The following CYRIA variants were observed in gnomAD, a reference collection of about 807,000 sequenced individuals.
CYRIA encodes the protein CYFIP-related Rac1 interactor A.
Under a neutral mutation model 43.9 loss-of-function variants are expected in CYRIA, and 15 were observed. The observed-to-expected ratio is 0.34, with a 90% CI of 0.23 to 0.53. The LOEUF (loss-of-function observed/expected upper bound fraction) is 0.53, where lower values mean the gene tolerates loss of function less well. CYRIA is among the 20% of genes least tolerant of loss of function. CYRIA has a pLI of 0.94. For synonymous variants in CYRIA, 117 were observed against 136.0 expected (o/e 0.86, Z 0.97); for missense variants, 236 against 394.2 (o/e 0.60, Z 3.40).
chr2:16,556,649 T>C (rs1225413183), intron 10 of CYRIA, among the ~76,000 whole-genome samples: 26 of 152,090 alleles, frequency 1.7e-4, no homozygotes, highest in Admixed American at 1.6e-3. Context: ...GTGGAAAACA[T>C]CCTTGATAGG....
chr2:16,636,248 T>C (rs983753574), intron 1 of CYRIA, among the ~76,000 whole-genome samples: 1 of 152,104 alleles, frequency 6.6e-6, no homozygotes, highest in African/African-American at 2.4e-5. Flanking sequence ...TGTGTCTCCC[T>C]GAAGATCTGA....
intron 1 of CYRIA, among the ~76,000 whole-genome samples, chr2:16,625,262 C>T (rs1669124943): frequency 6.6e-6 from 1 of 152,050 alleles, no homozygotes; most frequent in South Asian, 2.1e-4. Flanking sequence ...CTGGTTCTGG[C>T]TCTCAGCAGC....
At chr2:16,628,066 C>G (rs1195728033) in intron 1 of CYRIA, among the ~76,000 whole-genome samples, 2 of 152,168 alleles carry the variant, frequency 1.3e-5, no homozygotes, top group Non-Finnish European at 2.9e-5. Flanking sequence ...TGGGTTTCAG[C>G]CTCATGATGC....
intron 10 of CYRIA, among the ~76,000 whole-genome samples, chr2:16,555,608 C>A (rs896966037): frequency 6.6e-6 from 1 of 152,086 alleles, no homozygotes; most frequent in African/African-American, 2.4e-5. Context: ...GTTTGACTGG[C>A]AAACCCTTAA....
At chr2:16,585,021 C>A (rs1308696222) in intron 3 of CYRIA, among the ~76,000 whole-genome samples, 1 of 152,098 alleles carries the variant, frequency 6.6e-6, no homozygotes, top group Admixed American at 6.6e-5. Flanking sequence ...CTTCATTGGG[C>A]AATGACTGCT....
At chr2:16,558,476 C>T (rs147396406) in intron 10 of CYRIA, among the ~76,000 whole-genome samples, 7 of 152,120 alleles carry the variant, frequency 4.6e-5, no homozygotes, top group African/African-American at 9.7e-5. Context: ...CACCCAGACT[C>T]GGCTATACTG....
intron 1 of CYRIA, among the ~76,000 whole-genome samples, chr2:16,645,048 C>T (rs963523091): frequency 6.6e-6 from 1 of 152,208 alleles, no homozygotes; most frequent in Non-Finnish European, 1.5e-5. Context: ...ATTCTTTCAT[C>T]TGAAAGTCAT....
Position 16,653,412 on chromosome 2 carries a change from C to T in CYRIA, c.-167+12368G>A, listed in dbSNP as rs371114838. ...GTCCTTCAGGCCTTCACTCAATCCT[C>T]ACCTTCTCTGACAACCCTATTTAAA... On this transcript the variant is annotated intron_variant, in intron 1 of 11. Coordinates refer to ENST00000381323, the MANE Select transcript of CYRIA (RefSeq NM_030797.4). Among the ~76,000 whole-genome samples, 12 of 152,378 alleles carry T rather than the reference C, an allele frequency of 7.9e-5. No homozygotes were observed. In the East Asian group the frequency reaches 1.5e-3, roughly 20 times the overall value.
Position 16,650,467 on chromosome 2 carries a change from G to A in CYRIA, c.-167+15313C>T. 6.6e-6 allele frequency among the ~76,000 whole-genome samples: 1 copy of A among 152,142 alleles called. No individual in the cohort carries two copies. Among genetic ancestry groups the A allele is most frequent in the Non-Finnish European group, 1.5e-5 (1 of 68,036 alleles). Reference sequence around the variant, plus strand: ...ATCATAAAGGTTTCATTGGTCTCTGGGCCAGTTCCTGATATCAGGGATGAT... The same window carrying A: ...ATCATAAAGGTTTCATTGGTCTCTGAGCCAGTTCCTGATATCAGGGATGAT... On this transcript the variant is annotated intron_variant, in intron 1 of 11. Coordinates refer to ENST00000381323, the MANE Select transcript of CYRIA (RefSeq NM_030797.4). This position sits in a 1 kb window ranked among gnomAD's most constrained non-coding sequence, Gnocchi z 4.1.
chr2:16,635,689 A>G (rs1345617109), intron 1 of CYRIA, among the ~76,000 whole-genome samples: 1 of 152,158 alleles, frequency 6.6e-6, no homozygotes, highest in Non-Finnish European at 1.5e-5. Context: ...CTGGAGACTC[A>G]GATTAGACAA....
At position 16,648,189 on chromosome 2, in the gene CYRIA, G is replaced by A. The variant is rs191482931; in HGVS notation, c.-167+17591C>T. Among the ~76,000 whole-genome samples, 6 of 152,266 alleles carry A rather than the reference G, an allele frequency of 3.9e-5. No homozygotes were observed. The East Asian group carries it at 7.7e-4, about 20-fold the overall frequency. On this transcript the variant is annotated intron_variant, in intron 1 of 11. Coordinates refer to ENST00000381323, the MANE Select transcript of CYRIA (RefSeq NM_030797.4). ...TATCTATCTCAGAGAAACTCAGCCAGGGGGGTGGAGTCTCTGCCACACCCA... is the reference window on the plus strand; with the variant it reads ...TATCTATCTCAGAGAAACTCAGCCAAGGGGGTGGAGTCTCTGCCACACCCA...
chr2:16,642,978 AC>A (rs1669720209), intron 1 of CYRIA, among the ~76,000 whole-genome samples: 1 of 150,342 alleles, frequency 6.7e-6, no homozygotes, highest in African/African-American at 2.4e-5. Context: ...TTCCTTTATT[AC>A]CTTACCTTAA....
intron 1 of CYRIA, among the ~76,000 whole-genome samples, chr2:16,631,848 G>A (rs1160245835): frequency 6.6e-6 from 1 of 152,198 alleles, no homozygotes; most frequent in Non-Finnish European, 1.5e-5. Flanking sequence ...CTGCAGTGAG[G>A]ACAATCTAGA....
intron 2 of CYRIA, among the ~76,000 whole-genome samples, chr2:16,619,652 G>C (rs979681310): frequency 6.6e-6 from 1 of 152,036 alleles, no homozygotes; most frequent in Non-Finnish European, 1.5e-5. Flanking sequence ...ACCTCCATAG[G>C]GTCAGAGAAA....
chr2:16,607,412 G>T (rs1002228311), intron 2 of CYRIA, among the ~76,000 whole-genome samples: 2 of 152,114 alleles, frequency 1.3e-5, no homozygotes, highest in African/African-American at 4.8e-5. Flanking sequence ...TAGCATAAAC[G>T]CCTGCTAAGC....
intron 10 of CYRIA, among the ~76,000 whole-genome samples, chr2:16,558,290 T>C (rs994804585): frequency 7.9e-5 from 12 of 152,160 alleles, no homozygotes; most frequent in Admixed American, 5.9e-4. Context: ...TGAAGAAACA[T>C]GACTAACTAT....
chr2:16,612,911 T>A (rs934317313), intron 2 of CYRIA, among the ~76,000 whole-genome samples: 4 of 152,196 alleles, frequency 2.6e-5, no homozygotes, highest in African/African-American at 9.7e-5. Context: ...TTCCCCCCCA[T>A]ACTGTTCTCA....
At chr2:16,613,133 C>T (rs1025130236) in intron 2 of CYRIA, among the ~76,000 whole-genome samples, 10 of 152,184 alleles carry the variant, frequency 6.6e-5, no homozygotes, top group Non-Finnish European at 1.5e-4. Flanking sequence ...TTTCTAGCAG[C>T]GTGAGAATGA....
intron 3 of CYRIA, among the ~76,000 whole-genome samples, chr2:16,582,015 T>G (rs1667567737): frequency 6.6e-6 from 1 of 152,188 alleles, no homozygotes; most frequent in Non-Finnish European, 1.5e-5. Flanking sequence ...TTTTACAATG[T>G]AAGTCAGACC....
Sources: allele counts gnomAD v4.1 joint callset (sites outside exome capture counted in the v4.1 genomes callset), GRCh38; gene constraint gnomAD v4.1.1; non-coding constraint Gnocchi (gnomAD v3.1); transcripts MANE v1.5; gene names NCBI Gene and HGNC (gene_info 2026-07-23, HGNC 2026-07-21).